The following VASH2 variants were observed in gnomAD, a reference collection of about 807,000 sequenced individuals.
The protein encoded by VASH2 is tubulinyl-Tyr carboxypeptidase 2.
A neutral mutation model predicts 37.2 loss-of-function variants in VASH2; 28 were observed. The ratio of observed to expected loss-of-function variants is 0.75; its 90% CI spans 0.56 to 1.03. The LOEUF is 1.03. Among genes scored for constraint, VASH2 ranks in the 50% least tolerant of loss-of-function variants. VASH2 has a pLI of 0.00. For synonymous variants in VASH2, 188 were observed against 174.7 expected (o/e 1.08, Z -0.60); for missense variants, 419 against 459.1 (o/e 0.91, Z 0.80).
chr1:212,980,429 G>T (rs1667309389), intron 7 of VASH2, among the ~76,000 whole-genome samples: 1 of 151,948 alleles, frequency 6.6e-6, no homozygotes, highest in Non-Finnish European at 1.5e-5. Flanking sequence ...ACCTTTCTTT[G>T]CCTCCCCTTT....
rs148551747 is a variant in VASH2 at position 212,961,616 on chromosome 1, T to C, written c.365+362T>C. Among the ~76,000 whole-genome samples, 207 of 152,326 alleles carry C rather than the reference T, an allele frequency of 1.4e-3. 1 individual carries two copies. The highest frequency in any genetic ancestry group is 6.8e-3 in the Middle Eastern group (2 of 294). ...CTCCTGTTCTCCTTCACTGTCCTTC[T>C]TTTTGACATGAGGACTTGCTTTGTC... On this transcript the variant is annotated intron_variant, in intron 3 of 7. Coordinates refer to ENST00000517399, the MANE Select transcript of VASH2 (RefSeq NM_001301056.2).
At chr1:212,976,204 G>A (rs1001728466) in intron 7 of VASH2, among the ~76,000 whole-genome samples, 1 of 152,098 alleles carries the variant, frequency 6.6e-6, no homozygotes, top group African/African-American at 2.4e-5. Flanking sequence ...GGAAGCTGGG[G>A]GATAAAAGTC....
rs562947689 is a variant in VASH2, at chr1:212,950,665, CCAGCAG to C, written c.-266_-261del. 2.5e-5 allele frequency: 4 copies of C among 157,204 alleles called. No individual in the cohort carries two copies. Among genetic ancestry groups the C allele is most frequent in the Non-Finnish European group, 5.6e-5 (4 of 71,420 alleles). 9.7% of individuals were successfully genotyped at this position (157,204 alleles called of 1,614,324 possible). A position where few individuals can be genotyped will look rare whatever the true frequency, so the allele number is the denominator to read the frequency against. On this transcript the variant is annotated 5_prime_UTR_variant, in exon 1 of 8. Transcript: ENST00000517399. The surrounding 1 kb of genome is among the most constrained non-coding windows in gnomAD (Gnocchi z 5.5). ...AGCAGCCCCAGCCCCAGCCCCAGGC[CCAGCAG>C]CAGCAGCAGCAGCCCCTGCTCTCCC...
At chr1:212,968,117 T>C in intron 5 of VASH2, 1 of 723,446 alleles carries the variant, frequency 1.4e-6, no homozygotes, top group Non-Finnish European at 1.7e-6. Context: ...GATTTGGACA[T>C]GTGAAATTTG....
chr1:212,969,977 G>A (rs1427038325), intron 5 of VASH2, among the ~76,000 whole-genome samples: 1 of 152,186 alleles, frequency 6.6e-6, no homozygotes, highest in African/African-American at 2.4e-5. Context: ...GCTTTTACAT[G>A]CATGCTGGAG....
At chr1:212,957,426 G>C (rs1666531000) in intron 2 of VASH2, among the ~76,000 whole-genome samples, 1 of 152,080 alleles carries the variant, frequency 6.6e-6, no homozygotes, top group Non-Finnish European at 1.5e-5. Flanking sequence ...CATCCCCAGG[G>C]AGCAGTGAAC....
Position 212,972,948 on chromosome 1 carries a change from A to G in VASH2, c.866A>G (p.Asp289Gly). The change falls in exon 6 of 8, where the codon GAC becomes GGC. Residue 289 changes from aspartate to glycine, a missense_variant. Asp to Gly is a moderately conservative substitution (Grantham distance 94). Coordinates refer to ENST00000517399, the MANE Select transcript of VASH2 (RefSeq NM_001301056.2). The stretch of plus-strand genomic sequence containing the variant: ...AAGGAGCTGGAGAAATATGCCAGGG[A>G]CATGAGAATGAAGGTGGGTGCTGGG... Reference protein sequence around the residue: ...IRKELEKYARDMRMKILKPAS... With the variant: ...IRKELEKYARGMRMKILKPAS... 1 of 1,611,888 alleles carries G rather than the reference A, an allele frequency of 6.2e-7. No individual in the cohort carries two copies. Among genetic ancestry groups the G allele is most frequent in the South Asian group, 1.1e-5 (1 of 91,064 alleles).
rs533807825 is a variant in VASH2 at position 212,981,699 on chromosome 1, G to GGTGA, written c.996-6811_996-6808dup. On this transcript the variant is annotated intron_variant, in intron 7 of 7. Coordinates refer to ENST00000517399, the MANE Select transcript of VASH2 (RefSeq NM_001301056.2). Reference sequence around the variant, plus strand: ...TCTGGCCTTTGTGTTTCTGTGTGAGGGTGAGCACCTGCCGGCACACGTACC... The same window carrying GGTGA: ...TCTGGCCTTTGTGTTTCTGTGTGAGGGTGAGTGAGCACCTGCCGGCACACGTACC... Among the ~76,000 whole-genome samples the GGTGA allele has an allele frequency of 4.4e-4, 67 of 152,300 alleles. No individual in the cohort carries two copies. The East Asian group carries it at 0.012, about 28-fold the overall frequency.
chr1:212,951,681 G>T lies in VASH2; in HGVS notation c.139G>T (p.Val47Leu). ...GSEEEDKDGG[V>L]LFHVNKSGFP... The stretch of plus-strand genomic sequence containing the variant: ...AGAGGAGGAGGACAAAGACGGCGGG[G>T]TGCTGTTCCACGTCAACAAGAGCGG... The change falls in exon 2 of 8, where the codon GTG (valine) becomes TTG (leucine). Residue 47 changes from valine to leucine, a missense_variant. Physicochemically the swap from Val to Leu is conservative, Grantham distance 32 (BLOSUM62 1). This residue lies in a region of VASH2 where 158 missense variants were observed against 163.0 expected (regional missense o/e 0.97). Transcript: ENST00000517399. This position sits in a 1 kb window ranked among gnomAD's most constrained non-coding sequence, Gnocchi z 4.4. 6.3e-7 allele frequency: 1 copy of T among 1,599,054 alleles called. No homozygotes were observed.
At chr1:212,980,997 C>T (rs1489222655) in intron 7 of VASH2, among the ~76,000 whole-genome samples, 3 of 152,146 alleles carry the variant, frequency 2.0e-5, no homozygotes, top group African/African-American at 7.2e-5. Context: ...CAGAAAAGAC[C>T]ACCTCAGGCA....
chr1:212,988,775 G>C lies in VASH2; in HGVS notation c.*191G>C. On this transcript the variant is annotated 3_prime_UTR_variant, in exon 8 of 8. Coordinates refer to ENST00000517399, the MANE Select transcript of VASH2 (RefSeq NM_001301056.2). The stretch of plus-strand genomic sequence containing the variant: ...AATTCACTAAAAGGCACCATGAAAA[G>C]GCTGAAGTAATAAGCCCCACTGGGG... 1.6e-6 allele frequency: 1 copy of C among 617,640 alleles called. No individual in the cohort carries two copies. 38.3% of individuals were successfully genotyped at this position (617,640 alleles called of 1,614,324 possible).
At chr1:212,953,163 T>C (rs954271249) in intron 2 of VASH2, among the ~76,000 whole-genome samples, 13 of 152,136 alleles carry the variant, frequency 8.5e-5, no homozygotes, top group African/African-American at 3.1e-4. Flanking sequence ...CCTTTCTTAG[T>C]AGCACCCGTA....
rs1667002724 is a variant in VASH2, at chr1:212,971,226, T to C, written c.498-1354T>C. 6.6e-6 allele frequency among the ~76,000 whole-genome samples: 1 copy of C among 152,260 alleles called. No individual in the cohort carries two copies. The highest frequency in any genetic ancestry group is 1.5e-5 in the Non-Finnish European group (1 of 68,040). On this transcript the variant is annotated intron_variant, in intron 5 of 7. Transcript: ENST00000517399. The surrounding 1 kb of genome is among the most constrained non-coding windows in gnomAD (Gnocchi z 4.0). ...GGATATTTGCGTTGTTTCCACCTTC[T>C]GGCTATTGCAAATGATGCTGTTCAG...
intron 7 of VASH2, among the ~76,000 whole-genome samples, chr1:212,986,352 T>C (rs547230838): frequency 6.6e-6 from 1 of 152,314 alleles, no homozygotes; most frequent in Admixed American, 6.5e-5. Context: ...TGCTAATGTA[T>C]GGGGAGTCTA....
intron 2 of VASH2, among the ~76,000 whole-genome samples, chr1:212,959,655 C>T (rs959776748): frequency 2.6e-5 from 4 of 152,232 alleles, no homozygotes; most frequent in African/African-American, 4.8e-5. Flanking sequence ...CCCCGATGCC[C>T]AGGCGGGGGG....
In VASH2 at chr1:212,951,750, G is replaced by T; in HGVS notation, c.208G>T (p.Val70Leu). Residue 70 changes from valine (V) to leucine (L), a missense_variant, in exon 2 of 8, where the codon GTG (valine) becomes TTG (leucine). Val to Leu is a conservative substitution (Grantham distance 32). This residue lies in a region of VASH2 where 158 missense variants were observed against 163.0 expected (regional missense o/e 0.97). Coordinates refer to ENST00000517399, the MANE Select transcript of VASH2 (RefSeq NM_001301056.2). This position sits in a 1 kb window ranked among gnomAD's most constrained non-coding sequence, Gnocchi z 4.4. ...CACCTGGGAGCGCATGTGGATGCAC[G>T]TGGCCAAGGTGCACCCTAAGGGGGG... The part of the protein sequence containing the change: ...SHTWERMWMH[V>L]AKVHPKGGEM... The T allele has an allele frequency of 6.2e-7, 1 of 1,608,280 alleles. No homozygotes were observed. Among genetic ancestry groups the T allele is most frequent in the Non-Finnish European group, 8.5e-7 (1 of 1,178,350 alleles).
chr1:212,975,934 G>A (rs529738752), intron 7 of VASH2, among the ~76,000 whole-genome samples: 5 of 152,170 alleles, frequency 3.3e-5, no homozygotes, highest in Non-Finnish European at 5.9e-5. Flanking sequence ...ACTAGTCCTG[G>A]TGGATCCGTT....
intron 5 of VASH2, among the ~76,000 whole-genome samples, chr1:212,970,576 T>C (rs1048512292): frequency 6.6e-6 from 1 of 152,164 alleles, no homozygotes. Context: ...ATTAAGTGCA[T>C]TCATAATGCT....
At position 212,972,664 on chromosome 1, in the gene VASH2, T is replaced by A; in HGVS notation, c.582T>A (p.Val194=). 1.2e-6 allele frequency: 2 copies of A among 1,614,236 alleles called. No individual in the cohort carries two copies. The highest frequency in any genetic ancestry group is 8.5e-7 in the Non-Finnish European group (1 of 1,180,052). ...TCTCAGGAAACTACTTTCACCACGT[T>A]GTGCTGGGGATTTACTGCAATGGCC... ...TYFSGNYFHH[V]VLGIYCNGRY... is the part of the protein sequence containing the mutation. The change falls in exon 6 of 8, where the codon GTT becomes GTA. Residue 194 remains valine (V), a synonymous_variant. Transcript: ENST00000517399.
Sources: allele counts gnomAD v4.1 joint callset (sites outside exome capture counted in the v4.1 genomes callset), GRCh38; gene constraint gnomAD v4.1.1; regional missense constraint gnomAD v4.1.1; non-coding constraint Gnocchi (gnomAD v3.1); transcripts MANE v1.5; gene names NCBI Gene and HGNC (gene_info 2026-07-23, HGNC 2026-07-21).